The following CEP152 variants were observed in gnomAD, a reference collection of about 807,000 sequenced individuals.
The protein encoded by CEP152 is centrosomal protein of 152 kDa.
In CEP152, 132 loss-of-function variants were observed where a neutral mutation model predicts 188.9. The ratio of observed to expected loss-of-function variants is 0.70; its 90% CI spans 0.61 to 0.81. CEP152 has a LOEUF of 0.81. Ranked by LOEUF, CEP152 falls within the 30% of genes least tolerant of loss-of-function variation. CEP152 has a pLI of 0.00. For missense variants in CEP152, 1,914 were observed against 1,969.8 expected (o/e 0.97, Z 0.54); for synonymous variants, 649 against 666.6 (o/e 0.97, Z 0.41).
At chr15:48,805,107 A>G (rs1468140240) in intron 2 of CEP152, among the ~76,000 whole-genome samples, 1 of 151,904 alleles carries the variant, frequency 6.6e-6, no homozygotes, top group Non-Finnish European at 1.5e-5. Context: ...CTTTCATAGC[A>G]CTCCAATTTG....
chr15:48,755,584 G>A (rs941572503), intron 20 of CEP152, among the ~76,000 whole-genome samples: 9 of 152,112 alleles, frequency 5.9e-5, no homozygotes, highest in African/African-American at 2.2e-4. Flanking sequence ...GTGCCATGGT[G>A]GTTTGCTGCA....
chr15:48,747,084 G>C (rs1893496003), intron 22 of CEP152, among the ~76,000 whole-genome samples: 3 of 152,128 alleles, frequency 2.0e-5, no homozygotes, highest in Admixed American at 1.3e-4. Context: ...TTATACTGAA[G>C]GCCATGGCAA....
At position 48,742,044 on chromosome 15, in the gene CEP152, C is replaced by T. The variant is rs774033847; in HGVS notation, c.3892G>A (p.Ala1298Thr). The change falls in exon 25 of 27, where the codon GCA becomes ACA. Residue 1298 changes from alanine to threonine, a missense_variant. Coordinates refer to ENST00000380950, the MANE Select transcript of CEP152 (RefSeq NM_001194998.2). Reference protein sequence around the residue: ...SKERAAEMVKAEVLRERQETA... With the variant: ...SKERAAEMVKTEVLRERQETA... ...TCTTGACGTTCTCGCAGTACCTCTGCTTTTACCATTTCTGCAGCTCGTTCC... is the reference window on the plus strand; with the variant it reads ...TCTTGACGTTCTCGCAGTACCTCTGTTTTTACCATTTCTGCAGCTCGTTCC... 17 of 1,614,104 alleles carry T rather than the reference C, an allele frequency of 1.1e-5. No individual in the cohort carries two copies. The highest frequency in any genetic ancestry group is 1.4e-5 in the Non-Finnish European group (17 of 1,180,004).
chr15:48,780,330 A>T (rs943387794), intron 12 of CEP152, among the ~76,000 whole-genome samples: 14 of 152,216 alleles, frequency 9.2e-5, no homozygotes, highest in Non-Finnish European at 1.9e-4. Context: ...TCACCTGATC[A>T]CTTTATATTT....
At chr15:48,789,035 A>T in intron 8 of CEP152, 34 bp from the exon 9 acceptor site, 1 of 1,556,432 alleles carries the variant, frequency 6.4e-7, no homozygotes, top group Non-Finnish European at 8.9e-7. Flanking sequence ...CATGTTTAAA[A>T]TATACACAGA....
At chr15:48,776,960 T>C (rs911787351) in intron 12 of CEP152, among the ~76,000 whole-genome samples, 2 of 152,106 alleles carry the variant, frequency 1.3e-5, no homozygotes, top group Admixed American at 1.3e-4. Context: ...TGAAAGTCTC[T>C]GTGGTCTTTC....
chr15:48,739,021 T>C lies in CEP152; in HGVS notation c.4361A>G (p.Asn1454Ser), dbSNP rs1402101292. The C allele has an allele frequency of 1.2e-6, 2 of 1,614,158 alleles. No homozygotes were observed. The highest frequency in any genetic ancestry group is 2.2e-5 in the South Asian group (2 of 91,082). ...AGGAGAAACATTCCTTGGCAAACTGTTTAGGTGCTTGCAACTACCATCCCC... is the reference window on the plus strand; with the variant it reads ...AGGAGAAACATTCCTTGGCAAACTGCTTAGGTGCTTGCAACTACCATCCCC... ...QFGDGSCKHL[N>S]SLPRNVSPEF... The change falls in exon 27 of 27, where the codon AAC (asparagine) becomes AGC (serine). Residue 1454 changes from asparagine to serine, a missense_variant. Asn to Ser is a conservative substitution (Grantham distance 46, BLOSUM62 1). Transcript: ENST00000380950.
chr15:48,746,925 G>A (rs554425517), intron 22 of CEP152, among the ~76,000 whole-genome samples: 2 of 152,320 alleles, frequency 1.3e-5, no homozygotes, highest in Non-Finnish European at 2.9e-5. Context: ...ATGAGATCAG[G>A]ATGTTTTGGT....
intron 1 of CEP152, among the ~76,000 whole-genome samples, chr15:48,809,051 C>G (rs1037989255): frequency 1.3e-5 from 2 of 152,108 alleles, no homozygotes; most frequent in African/African-American, 4.8e-5. Flanking sequence ...TTGTTGTCCC[C>G]GGTTGTTTTC....
intron 22 of CEP152, 135 bp from the exon 23 acceptor site, chr15:48,745,127 T>C (rs1425682844): frequency 1.7e-6 from 1 of 579,802 alleles, no homozygotes; most frequent in Non-Finnish European, 2.9e-6. Context: ...TTCATCCCCT[T>C]AGAAACCCTA....
chr15:48,768,449 T>C, intron 14 of CEP152, 121 bp from the exon 15 acceptor site: 5 of 629,072 alleles, frequency 7.9e-6, no homozygotes, highest in Non-Finnish European at 1.4e-5. Flanking sequence ...ATATTTGACA[T>C]ATTATTTTTA....
At chr15:48,732,573 T>C (rs1466254365) in intron 2 of CEP152, among the ~76,000 whole-genome samples, 1 of 150,800 alleles carries the variant, frequency 6.6e-6, no homozygotes, top group East Asian at 1.9e-4. Flanking sequence ...GGAGGGAACT[T>C]AAGAGGATGG....
At position 48,772,673 on chromosome 15, in the gene CEP152, G is replaced by C. The variant is rs1208912569; in HGVS notation, c.1596C>G (p.Asp532Glu). 2 of 1,613,732 alleles carry C rather than the reference G, an allele frequency of 1.2e-6. No individual in the cohort carries two copies. Among genetic ancestry groups the C allele is most frequent in the African/African-American group, 2.7e-5 (2 of 74,864 alleles). Reference sequence around the variant, plus strand: ...CATCTTTTGAAAGCTCTTCATTTGGGTCTTCTTCTTGTACAATGCTAATGG... The same window carrying C: ...CATCTTTTGAAAGCTCTTCATTTGGCTCTTCTTCTTGTACAATGCTAATGG... ...SKVTSIVQEE[D>E]PNEELSKDEF... The change falls in exon 13 of 27, where the codon GAC becomes GAG. Residue 532 changes from aspartate (D) to glutamate (E), a missense_variant. Coordinates refer to ENST00000380950, the MANE Select transcript of CEP152 (RefSeq NM_001194998.2).
At chr15:48,739,633 T>C (rs111620596) in intron 26 of CEP152, among the ~76,000 whole-genome samples, 17 of 152,328 alleles carry the variant, frequency 1.1e-4, no homozygotes, top group African/African-American at 4.1e-4. Context: ...CCTGCCCTGA[T>C]TCTGATGTTA....
intron 24 of CEP152, among the ~76,000 whole-genome samples, chr15:48,743,862 C>CA (rs56030338): frequency 4.0e-4 from 57 of 142,068 alleles, no homozygotes; most frequent in Non-Finnish European, 4.5e-4. Context: ...GATTCCGTCT[C>CA]AAAAAAAAAA....
chr15:48,783,595 C>T (rs1896415973), intron 10 of CEP152, among the ~76,000 whole-genome samples: 1 of 151,916 alleles, frequency 6.6e-6, no homozygotes, highest in East Asian at 1.9e-4. Context: ...AGAAGCAGGA[C>T]ATTGTCTATG....
At position 48,738,244 on chromosome 15, in the gene CEP152, C is replaced by T. The variant is rs74012133; in HGVS notation, c.*5G>A. ...TAATGATTCTTCTTAAATACTGTAC[C>T]ATAATTAGTCTAGATTAACAAATGG... On this transcript the variant is annotated 3_prime_UTR_variant, in exon 27 of 27. Coordinates refer to ENST00000380950, the MANE Select transcript of CEP152 (RefSeq NM_001194998.2). The T allele has an allele frequency of 1.8e-4, 295 of 1,610,128 alleles. No homozygotes were observed. In the African/African-American group the frequency reaches 3.3e-3, roughly 18 times the overall value.
In CEP152 at chr15:48,789,010, T is replaced by C; in HGVS notation, c.973-9A>G. The stretch of plus-strand genomic sequence containing the variant: ...CTGGACTTCTTGATCATCTAGTAAA[T>C]ACACACAGGATATCCATGTTTAAAA... On this transcript the variant is annotated splice_polypyrimidine_tract_variant and intron_variant, in intron 8 of 26. Coordinates refer to ENST00000380950, the MANE Select transcript of CEP152 (RefSeq NM_001194998.2). 1.9e-6 allele frequency: 3 copies of C among 1,611,010 alleles called. No individual in the cohort carries two copies. Among genetic ancestry groups the C allele is most frequent in the Non-Finnish European group, 1.7e-6 (2 of 1,177,156 alleles).
chr15:48,795,694 T>C (rs1897244428), intron 6 of CEP152, among the ~76,000 whole-genome samples: 1 of 152,168 alleles, frequency 6.6e-6, no homozygotes, highest in Non-Finnish European at 1.5e-5. Context: ...AAGAGAATAA[T>C]ATGATGAATC....
Sources: allele counts gnomAD v4.1 joint callset (sites outside exome capture counted in the v4.1 genomes callset), GRCh38; gene constraint gnomAD v4.1.1; transcripts MANE v1.5; gene names NCBI Gene and HGNC (gene_info 2026-07-23, HGNC 2026-07-21).